The following AKAP8L variants were observed in gnomAD, a reference collection of about 807,000 sequenced individuals.
AKAP8L encodes A-kinase anchor protein 8-like.
A neutral mutation model predicts 77.5 loss-of-function variants in AKAP8L; 34 were observed. That is an observed-to-expected ratio of 0.44 (90% CI 0.33 to 0.58). AKAP8L has a LOEUF of 0.58. AKAP8L is among the 20% of genes least tolerant of loss of function. The probability of loss-of-function intolerance (pLI) is 0.02; values close to 1 mark genes in which losing one functional copy is unlikely to be tolerated. For missense variants in AKAP8L, 806 were observed against 887.6 expected (o/e 0.91, Z 1.17); for synonymous variants, 342 against 340.7 (o/e 1.00, Z -0.04).
chr19:15,406,599 T>C (rs1034890645), intron 2 of AKAP8L, among the ~76,000 whole-genome samples: 7 of 152,152 alleles, frequency 4.6e-5, no homozygotes, highest in African/African-American at 1.4e-4. Context: ...CCGGAGTGGC[T>C]GGGACAACAG....
At chr19:15,395,634 T>C (rs1967754463) in intron 12 of AKAP8L, among the ~76,000 whole-genome samples, 1 of 151,168 alleles carries the variant, frequency 6.6e-6, no homozygotes. Flanking sequence ...CTTTCATTAA[T>C]GACATATAGT....
At chr19:15,389,932 A>T (rs1967625423) in intron 12 of AKAP8L, among the ~76,000 whole-genome samples, 1 of 151,978 alleles carries the variant, frequency 6.6e-6, no homozygotes, top group African/African-American at 2.4e-5. Flanking sequence ...GTTAAAGCCG[A>T]CTTCTCAGCG....
rs1440830166 is a variant in AKAP8L at position 15,380,372 on chromosome 19, C to T, written c.1691G>A (p.Gly564Asp). ...CTGCGCCCCCTCGTCCAGGGCACCG[C>T]CCTCAGCCTCCTCCTGCTCCTTCTC... ...EEEKEQEEAE[G>D]GALDEGAQGE... The change falls in exon 14 of 14, where the codon GGC (glycine) becomes GAC (aspartate). Residue 564 changes from glycine to aspartate, a missense_variant. Transcript: ENST00000397410. 1 of 1,569,812 alleles carries T rather than the reference C, an allele frequency of 6.4e-7. No homozygotes were observed. Among genetic ancestry groups the T allele is most frequent in the Non-Finnish European group, 8.6e-7 (1 of 1,160,802 alleles).
intron 12 of AKAP8L, among the ~76,000 whole-genome samples, chr19:15,395,667 A>AC (rs1019609893): frequency 2.7e-5 from 4 of 150,136 alleles, no homozygotes; most frequent in African/African-American, 9.8e-5. Flanking sequence ...CAGTCTTCTA[A>AC]CCCCTACTAG....
chr19:15,399,993 C>T lies in AKAP8L; in HGVS notation c.1048+302G>A. 2.0e-6 allele frequency: 1 copy of T among 505,564 alleles called. No homozygotes were observed. The highest frequency in any genetic ancestry group is 2.4e-5 in the South Asian group (1 of 41,516). 31.3% of individuals were successfully genotyped at this position (505,564 alleles called of 1,614,324 possible). A position where few individuals can be genotyped will look rare whatever the true frequency, so the allele number is the denominator to read the frequency against. ...CTTGGAACTGCGCGTTACTGAGGGACCGAGGGCAGGGGGCGTGCCTGGGGT... is the reference window on the plus strand; with the variant it reads ...CTTGGAACTGCGCGTTACTGAGGGATCGAGGGCAGGGGGCGTGCCTGGGGT... On this transcript the variant is annotated intron_variant, in intron 8 of 13. Coordinates refer to ENST00000397410, the MANE Select transcript of AKAP8L (RefSeq NM_014371.4). The surrounding 1 kb of genome is among the most constrained non-coding windows in gnomAD (Gnocchi z 6.1).
intron 12 of AKAP8L, among the ~76,000 whole-genome samples, chr19:15,395,536 A>G (rs570666614): frequency 6.6e-5 from 10 of 150,660 alleles, no homozygotes; most frequent in African/African-American, 1.5e-4. Flanking sequence ...GAAGGTCTCC[A>G]TCTCTTGACC....
chr19:15,380,405 G>C lies in AKAP8L; in HGVS notation c.1658C>G (p.Pro553Arg). The change falls in exon 14 of 14, where the codon CCC becomes CGC. Residue 553 changes from proline (P) to arginine (R), a missense_variant. Coordinates refer to ENST00000397410, the MANE Select transcript of AKAP8L (RefSeq NM_014371.4). ...CTCCTCCTGCTCCTTCTCCTCCTCG[G>C]GGCTGTCGGTGAAAGGGTTCTCGCC... ...LKGENPFTDS[P>R]EEEKEQEEAE... The C allele has an allele frequency of 3.1e-6, 5 of 1,596,000 alleles. No individual in the cohort carries two copies. The highest frequency in any genetic ancestry group is 4.3e-6 in the Non-Finnish European group (5 of 1,172,646).
chr19:15,380,395 C>T lies in AKAP8L; in HGVS notation c.1668G>A (p.Glu556=), dbSNP rs1249895278. The T allele has an allele frequency of 1.3e-6, 2 of 1,589,386 alleles. No individual in the cohort carries two copies. The highest frequency in any genetic ancestry group is 1.1e-5 in the South Asian group (1 of 88,292). The change falls in exon 14 of 14, where the codon GAG becomes GAA. Residue 556 remains glutamate (E), a synonymous_variant. Coordinates refer to ENST00000397410, the MANE Select transcript of AKAP8L (RefSeq NM_014371.4). ...ENPFTDSPEE[E]KEQEEAEGGA... ...CGCCCTCAGCCTCCTCCTGCTCCTT[C>T]TCCTCCTCGGGGCTGTCGGTGAAAG...
chr19:15,410,652 A>T, intron 1 of AKAP8L, 58 bp from the exon 2 acceptor site: 1 of 1,364,366 alleles, frequency 7.3e-7, no homozygotes, highest in Non-Finnish European at 1.0e-6. Context: ...AAATGACCTG[A>T]GACTACCTAA....
intron 1 of AKAP8L, among the ~76,000 whole-genome samples, chr19:15,412,391 A>G (rs1297935616): frequency 1.3e-5 from 2 of 152,190 alleles, no homozygotes; most frequent in Non-Finnish European, 2.9e-5. Flanking sequence ...CAAAATAAAT[A>G]AATAAATGAA....
chr19:15,414,923 T>C (rs1158266496), intron 1 of AKAP8L, among the ~76,000 whole-genome samples: 1 of 152,238 alleles, frequency 6.6e-6, no homozygotes, highest in Non-Finnish European at 1.5e-5. Flanking sequence ...TTCAGTCTCC[T>C]GTATAGCTGG....
chr19:15,393,081 G>A (rs747110568), intron 12 of AKAP8L, among the ~76,000 whole-genome samples: 12 of 151,824 alleles, frequency 7.9e-5, no homozygotes, highest in Non-Finnish European at 1.3e-4. Flanking sequence ...CATTCAATGG[G>A]GGGAAAACAG....
At chr19:15,383,466 T>C (rs1967461412) in intron 12 of AKAP8L, 1 of 152,196 alleles carries the variant, frequency 6.6e-6, no homozygotes, top group Admixed American at 6.5e-5. Context: ...AGTGCTGGGA[T>C]TGCAGGTGTG....
rs1275484517 is a variant in AKAP8L at position 15,380,576 on chromosome 19, C to T, written c.1573G>A (p.Val525Met). The change falls in exon 13 of 14, where the codon GTG (valine) becomes ATG (methionine). Residue 525 changes from valine to methionine, a missense_variant. Physicochemically the swap from Val to Met is conservative, Grantham distance 21. Transcript: ENST00000397410. ...TTGTTGTTGAGAATACTGCGGGCCA[C>T]CATGAGGGAGGACTTCTTGGACTGC... ...MEQSKKSSLM[V>M]ARSILNNKLI... The T allele has an allele frequency of 6.2e-7, 1 of 1,613,834 alleles. No individual in the cohort carries two copies.
rs60766880 is a variant in AKAP8L, at chr19:15,392,896, C to CA, written c.1536+4253dup. 2.8e-4 allele frequency among the ~76,000 whole-genome samples: 12 copies of CA among 43,122 alleles called. No individual in the cohort carries two copies. The East Asian group carries it at 6.0e-3, about 21-fold the overall frequency. 28.3% of individuals were successfully genotyped at this position (43,122 alleles called of 152,430 possible). ...GGGCAACAAGAGCAAAACTCTGTCT[C>CA]AAAAAAAAAAAAATCTTAACAATAA... On this transcript the variant is annotated intron_variant, in intron 12 of 13. Transcript: ENST00000397410.
intron 1 of AKAP8L, among the ~76,000 whole-genome samples, chr19:15,412,220 C>G (rs1211796747): frequency 6.6e-6 from 1 of 151,794 alleles, no homozygotes; most frequent in African/African-American, 2.4e-5. Context: ...AACAAACAAA[C>G]AAAACCCCAA....
Position 15,399,096 on chromosome 19 carries a change from C to A in AKAP8L, c.1157+206G>T. On this transcript the variant is annotated intron_variant, in intron 9 of 13. Coordinates refer to ENST00000397410, the MANE Select transcript of AKAP8L (RefSeq NM_014371.4). This position sits in a 1 kb window ranked among gnomAD's most constrained non-coding sequence, Gnocchi z 6.1. Reference sequence around the variant, plus strand: ...TCAGGTCTCGGCCCACAGACGCCAGCGGTCGCCAGGCGGCCGCAGAGGGGC... The same window carrying A: ...TCAGGTCTCGGCCCACAGACGCCAGAGGTCGCCAGGCGGCCGCAGAGGGGC... 1 of 586,130 alleles carries A rather than the reference C, an allele frequency of 1.7e-6. No homozygotes were observed. The highest frequency in any genetic ancestry group is 3.0e-6 in the Non-Finnish European group (1 of 331,660). 36.3% of individuals were successfully genotyped at this position (586,130 alleles called of 1,614,324 possible). A position where few individuals can be genotyped will look rare whatever the true frequency, so the allele number is the denominator to read the frequency against.
intron 2 of AKAP8L, among the ~76,000 whole-genome samples, chr19:15,406,720 C>T (rs1199439113): frequency 1.3e-5 from 2 of 151,996 alleles, no homozygotes; most frequent in Non-Finnish European, 2.9e-5. Flanking sequence ...CCATCTCAGC[C>T]TCTCAGAGTG....
At chr19:15,417,963 C>T (rs544024635) in intron 1 of AKAP8L, among the ~76,000 whole-genome samples, 1 of 152,320 alleles carries the variant, frequency 6.6e-6, no homozygotes, top group African/African-American at 2.4e-5. Flanking sequence ...ACCCACTCTC[C>T]CTTTCAAATC....
Sources: allele counts gnomAD v4.1 joint callset (sites outside exome capture counted in the v4.1 genomes callset), GRCh38; gene constraint gnomAD v4.1.1; non-coding constraint Gnocchi (gnomAD v3.1); transcripts MANE v1.5; gene names NCBI Gene and HGNC (gene_info 2026-07-23, HGNC 2026-07-21).